The following FOXP2 variants were observed in gnomAD, a reference collection of about 807,000 sequenced individuals.
FOXP2 encodes forkhead box protein P2.
Under a neutral mutation model 115.8 loss-of-function variants are expected in FOXP2, and 12 were observed. The ratio of observed to expected loss-of-function variants is 0.10; its 90% CI spans 0.07 to 0.17. FOXP2 has a LOEUF of 0.17. Among genes scored for constraint, FOXP2 ranks in the 10% least tolerant of loss-of-function variants. The pLI, the probability that FOXP2 is intolerant of heterozygous loss-of-function variation, is 1.00. For synonymous variants in FOXP2, 328 were observed against 297.7 expected (o/e 1.10, Z -1.05); for missense variants, 629 against 843.5 (o/e 0.75, Z 3.15).
Position 114,692,584 on chromosome 7 carries a change from T to C in FOXP2, c.*2658T>C. ...CTCTTATATCATTGCTTGCTAGTAATAGCAAATCTGCTTTTCTGCATCTGC... is the reference window on the plus strand; with the variant it reads ...CTCTTATATCATTGCTTGCTAGTAACAGCAAATCTGCTTTTCTGCATCTGC... On this transcript the variant is annotated 3_prime_UTR_variant, in exon 17 of 17. Transcript: ENST00000350908. The C allele has an allele frequency of 2.2e-6, 1 of 452,178 alleles. No individual in the cohort carries two copies. The highest frequency in any genetic ancestry group is 1.6e-5 in the South Asian group (1 of 63,530). 28.0% of individuals were successfully genotyped at this position (452,178 alleles called of 1,614,324 possible). A position where few individuals can be genotyped will look rare whatever the true frequency, so the allele number is the denominator to read the frequency against.
intron 1 of FOXP2, among the ~76,000 whole-genome samples, chr7:114,108,344 A>T (rs1244344927): frequency 6.6e-6 from 1 of 151,928 alleles, no homozygotes; most frequent in Non-Finnish European, 1.5e-5. Flanking sequence ...CTGAATGCAT[A>T]TAAATCTTCT....
chr7:114,337,076 A>G (rs1797870334), intron 2 of FOXP2, among the ~76,000 whole-genome samples: 1 of 151,542 alleles, frequency 6.6e-6, no homozygotes, highest in Admixed American at 6.6e-5. Flanking sequence ...GCTCCTCTAC[A>G]TTTGATATAG....
chr7:114,362,932 A>G (rs1791788334), intron 2 of FOXP2, among the ~76,000 whole-genome samples: 1 of 152,092 alleles, frequency 6.6e-6, no homozygotes, highest in African/African-American at 2.4e-5. Flanking sequence ...GACAACTGGA[A>G]GAGAAGTCTA....
At chr7:114,534,768 T>C (rs1391857063) in intron 3 of FOXP2, 62 bp downstream of exon 3, 4 of 1,267,340 alleles carry the variant, frequency 3.2e-6, no homozygotes, top group Non-Finnish European at 4.6e-6. Flanking sequence ...TGATAACAGA[T>C]GTGCAGACCC....
intron 2 of FOXP2, among the ~76,000 whole-genome samples, chr7:114,338,765 C>T (rs1485953265): frequency 3.4e-5 from 5 of 148,726 alleles, no homozygotes; most frequent in Non-Finnish European, 7.4e-5. Context: ...CACACACACA[C>T]ACACACACAC....
chr7:114,263,553 A>C (rs1455976731), intron 1 of FOXP2, among the ~76,000 whole-genome samples: 1 of 151,526 alleles, frequency 6.6e-6, no homozygotes, highest in Non-Finnish European at 1.5e-5. Flanking sequence ...TCCTGGGCTC[A>C]AATGCTCCTT....
chr7:114,334,828 G>A (rs747407756), intron 2 of FOXP2, among the ~76,000 whole-genome samples: 2 of 149,526 alleles, frequency 1.3e-5, no homozygotes, highest in Non-Finnish European at 3.0e-5. Flanking sequence ...GATCATAAAT[G>A]AGAATCAGGT....
At position 114,657,999 on chromosome 7, in the gene FOXP2, T is replaced by A. The variant is rs747637970; in HGVS notation, c.1267-67T>A. ...GTAGAAGTGAATCCACTCTCATTTG[T>A]CAAACCTTTTTAAGTCTTTTTCTCT... On this transcript the variant is annotated intron_variant, in intron 10 of 16. Coordinates refer to ENST00000350908, the MANE Select transcript of FOXP2 (RefSeq NM_014491.4). 2.3e-4 allele frequency: 359 copies of A among 1,578,284 alleles called. 1 individual carries two copies. Among genetic ancestry groups the A allele is most frequent in the Middle Eastern group, 1.0e-3 (6 of 5,740 alleles).
chr7:114,288,696 T>G (rs1796522166), intron 2 of FOXP2, among the ~76,000 whole-genome samples: 1 of 151,846 alleles, frequency 6.6e-6, no homozygotes, highest in African/African-American at 2.4e-5. Context: ...ATGTACAATG[T>G]TAACATATAA....
At chr7:114,183,948 C>G (rs1793524902) in intron 1 of FOXP2, among the ~76,000 whole-genome samples, 1 of 152,112 alleles carries the variant, frequency 6.6e-6, no homozygotes, top group Non-Finnish European at 1.5e-5. Context: ...TAATGTGGTA[C>G]ACAAGACGAG....
At chr7:114,220,287 C>T (rs937603991) in intron 1 of FOXP2, among the ~76,000 whole-genome samples, 13 of 151,832 alleles carry the variant, frequency 8.6e-5, no homozygotes, top group African/African-American at 3.1e-4. Flanking sequence ...CATAAACCTA[C>T]CGAATTATAC....
At chr7:114,177,402 T>A (rs1267209487) in intron 1 of FOXP2, among the ~76,000 whole-genome samples, 1 of 152,130 alleles carries the variant, frequency 6.6e-6, no homozygotes, top group Admixed American at 6.6e-5. Context: ...AGGTTGTCTT[T>A]TTTATTTTTG....
chr7:114,631,530 G>A lies in FOXP2; in HGVS notation c.600G>A (p.Gln200=). 6.4e-7 allele frequency: 1 copy of A among 1,564,284 alleles called. No homozygotes were observed. The highest frequency in any genetic ancestry group is 8.7e-7 in the Non-Finnish European group (1 of 1,153,656). Residue 200 remains glutamine (Q), a splice_region_variant and synonymous_variant, in exon 6 of 17, where the codon CAG becomes CAA. Transcript: ENST00000350908. ...QQHPGKQAKE[Q]QQQQQQQQQL... ...TGGTTTGGGTTTTCTGATACCAGCA[G>A]CAGCAGCAGCAGCAGCAGCAACAGC...
At chr7:114,205,545 C>T (rs113942640) in intron 1 of FOXP2, among the ~76,000 whole-genome samples, 5 of 152,222 alleles carry the variant, frequency 3.3e-5, no homozygotes, top group African/African-American at 7.2e-5. Context: ...AAAGTAACCC[C>T]AAGGACTGTG....
At chr7:114,397,651 A>C (rs1792775912) in intron 2 of FOXP2, among the ~76,000 whole-genome samples, 1 of 152,208 alleles carries the variant, frequency 6.6e-6, no homozygotes, top group Non-Finnish European at 1.5e-5. Context: ...AAAGCAGGAC[A>C]CAAGATAAAG....
At chr7:114,280,674 G>C (rs532750459) in intron 1 of FOXP2, among the ~76,000 whole-genome samples, 5 of 152,160 alleles carry the variant, frequency 3.3e-5, no homozygotes, top group Non-Finnish European at 5.9e-5. Flanking sequence ...ATAAAAAACA[G>C]ATAAAAATTT....
chr7:114,158,616 T>G (rs1022165259), upstream of FOXP2, among the ~76,000 whole-genome samples: 5 of 152,124 alleles, frequency 3.3e-5, no homozygotes, highest in Non-Finnish European at 4.4e-5. Context: ...TATTTTTGTC[T>G]TTAGGTATTT....
At chr7:114,673,948 C>T (rs201954652) in intron 16 of FOXP2, among the ~76,000 whole-genome samples, 2 of 152,154 alleles carry the variant, frequency 1.3e-5, no homozygotes, top group Non-Finnish European at 2.9e-5. Flanking sequence ...GTGATCCACC[C>T]GCCTCGACCT....
chr7:114,501,773 G>A (rs1797575624), intron 2 of FOXP2, among the ~76,000 whole-genome samples: 1 of 151,678 alleles, frequency 6.6e-6, no homozygotes, highest in Non-Finnish European at 1.5e-5. Context: ...TGATTAAAAC[G>A]GTGAAATTCA....
Sources: allele counts gnomAD v4.1 joint callset (sites outside exome capture counted in the v4.1 genomes callset), GRCh38; gene constraint gnomAD v4.1.1; transcripts MANE v1.5; gene names NCBI Gene and HGNC (gene_info 2026-07-23, HGNC 2026-07-21).